PPA2: variants seen among roughly 807,000 people sequenced by gnomAD.
The protein encoded by PPA2 is inorganic pyrophosphatase 2.
A neutral mutation model predicts 49.5 loss-of-function variants in PPA2; 48 were observed. That is an observed-to-expected ratio of 0.97 (90% CI 0.77 to 1.23). The LOEUF is 1.23. Among genes scored for constraint, PPA2 ranks in the 50% most tolerant of loss-of-function variants. PPA2 has a pLI of 0.00. For synonymous variants in PPA2, 131 were observed against 139.9 expected (o/e 0.94, Z 0.45); for missense variants, 429 against 410.1 (o/e 1.05, Z -0.40).
At chr4:105,402,097 C>T (rs1560613753) in intron 7 of PPA2, among the ~76,000 whole-genome samples, 4 of 151,982 alleles carry the variant, frequency 2.6e-5, no homozygotes, top group Admixed American at 2.6e-4. Flanking sequence ...TAAAACATTG[C>T]TAAAATATCT....
intron 7 of PPA2, among the ~76,000 whole-genome samples, chr4:105,400,096 C>T (rs544058928): frequency 2.2e-4 from 33 of 152,144 alleles, no homozygotes; most frequent in African/African-American, 7.0e-4. Context: ...AGAATGGCCA[C>T]AAAGCACGAG....
intron 1 of PPA2, among the ~76,000 whole-genome samples, chr4:105,464,545 G>A (rs1055268265): frequency 6.6e-6 from 1 of 152,136 alleles, no homozygotes; most frequent in African/African-American, 2.4e-5. Flanking sequence ...GAGGGGCCAG[G>A]GGCAGAATGA....
At chr4:105,442,596 T>C (rs1170188348) in intron 5 of PPA2, among the ~76,000 whole-genome samples, 4 of 152,198 alleles carry the variant, frequency 2.6e-5, no homozygotes, top group Admixed American at 6.5e-5. Context: ...ACCCATTACA[T>C]GTGGGCAATA....
At chr4:105,464,869 A>C (rs1261563749) in intron 1 of PPA2, among the ~76,000 whole-genome samples, 1 of 152,210 alleles carries the variant, frequency 6.6e-6, no homozygotes, top group African/African-American at 2.4e-5. Context: ...AGCTGCATGA[A>C]AACAAACTAA....
In PPA2 at chr4:105,378,350, A is replaced by G. The variant is rs187947715; in HGVS notation, c.940-7477T>C. ...TCTTTATAGATTTGGTGATGTGCTCATTCATATATTTTGTACTTTTTAAAA... is the reference window on the plus strand; with the variant it reads ...TCTTTATAGATTTGGTGATGTGCTCGTTCATATATTTTGTACTTTTTAAAA... On this transcript the variant is annotated intron_variant, in intron 10 of 11. Coordinates refer to ENST00000341695, the MANE Select transcript of PPA2 (RefSeq NM_176869.3). Among the ~76,000 whole-genome samples the G allele has an allele frequency of 7.9e-5, 12 of 152,210 alleles. No individual in the cohort carries two copies. In the East Asian group the frequency reaches 1.2e-3, roughly 15 times the overall value.
chr4:105,401,290 C>A (rs765117517), intron 7 of PPA2, among the ~76,000 whole-genome samples: 1 of 152,166 alleles, frequency 6.6e-6, no homozygotes, highest in Non-Finnish European at 1.5e-5. Flanking sequence ...CCAACTCACT[C>A]ATGATAGAAC....
intron 1 of PPA2, among the ~76,000 whole-genome samples, chr4:105,461,180 C>T (rs4235414): frequency 0.89 from 135,412 of 152,138 alleles, 60,770 homozygotes; most frequent in African/African-American, 0.97. Context: ...AATGATGAGG[C>T]TCATAAATTT....
At chr4:105,423,711 CA>C (rs1222312463) in intron 7 of PPA2, among the ~76,000 whole-genome samples, 4 of 152,120 alleles carry the variant, frequency 2.6e-5, no homozygotes, top group African/African-American at 9.7e-5. Context: ...CGTTAGAGGG[CA>C]GTTACTTTTC....
In PPA2 at chr4:105,370,689, A is replaced by T. The variant is rs1008918632; in HGVS notation, c.976+148T>A. 8 of 1,151,736 alleles carry T rather than the reference A, an allele frequency of 6.9e-6. No homozygotes were observed. The African/African-American group carries it at 1.3e-4, about 19-fold the overall frequency. 71.3% of individuals were successfully genotyped at this position (1,151,736 alleles called of 1,614,324 possible). A position where few individuals can be genotyped will look rare whatever the true frequency, so the allele number is the denominator to read the frequency against. On this transcript the variant is annotated intron_variant, in intron 11 of 11. Transcript: ENST00000341695. ...TGAGTTAGAAAATATTTCATCTGAA[A>T]TTTTAGCGACTATTTTAAAAATATT...
At chr4:105,415,422 C>A (rs1345820707) in intron 7 of PPA2, among the ~76,000 whole-genome samples, 5 of 152,242 alleles carry the variant, frequency 3.3e-5, no homozygotes, top group Non-Finnish European at 7.3e-5. Flanking sequence ...TGTGTCAGTG[C>A]CACTATGAGT....
At chr4:105,451,135 T>G (rs146789588) in intron 3 of PPA2, among the ~76,000 whole-genome samples, 4 of 152,210 alleles carry the variant, frequency 2.6e-5, no homozygotes, top group Non-Finnish European at 5.9e-5. Flanking sequence ...TGAATTAAAT[T>G]GCTCTGGGTG....
intron 1 of PPA2, among the ~76,000 whole-genome samples, chr4:105,458,683 G>A (rs12108649): frequency 0.014 from 2,144 of 151,770 alleles, 49 homozygotes; most frequent in African/African-American, 0.05. Flanking sequence ...TTAGCTGGGC[G>A]TGGTGGTGCA....
intron 6 of PPA2, among the ~76,000 whole-genome samples, chr4:105,429,739 G>A (rs577887147): frequency 1.6e-4 from 25 of 152,264 alleles, no homozygotes; most frequent in Admixed American, 4.6e-4. Context: ...GATTCCTGCT[G>A]CTTGAGGGGA....
At chr4:105,466,819 C>A (rs541580044) in intron 1 of PPA2, among the ~76,000 whole-genome samples, 1 of 152,332 alleles carries the variant, frequency 6.6e-6, no homozygotes, top group South Asian at 2.1e-4. Flanking sequence ...AGCCTCCCAG[C>A]ACTTGGGAAA....
intron 10 of PPA2, among the ~76,000 whole-genome samples, chr4:105,372,242 G>C (rs773596120): frequency 2.6e-5 from 4 of 152,154 alleles, no homozygotes; most frequent in Non-Finnish European, 4.4e-5. Context: ...GTCTAGAATG[G>C]GGGCATGCCT....
chr4:105,454,343 T>G (rs1722795304), intron 2 of PPA2, among the ~76,000 whole-genome samples: 1 of 141,428 alleles, frequency 7.1e-6, no homozygotes, highest in Non-Finnish European at 1.6e-5. Context: ...TGTTGTTGTT[T>G]TTGAGACAGA....
At chr4:105,389,754 G>C (rs1344895548) in intron 9 of PPA2, among the ~76,000 whole-genome samples, 2 of 152,152 alleles carry the variant, frequency 1.3e-5, no homozygotes, top group African/African-American at 2.4e-5. Flanking sequence ...CTCAAAGACA[G>C]TGTTCAGGAT....
intron 9 of PPA2, among the ~76,000 whole-genome samples, chr4:105,391,876 T>C (rs1263915054): frequency 2.6e-5 from 4 of 151,754 alleles, no homozygotes; most frequent in Admixed American, 1.3e-4. Flanking sequence ...TGATTGTTAA[T>C]AAAAAAAGAG....
intron 5 of PPA2, among the ~76,000 whole-genome samples, chr4:105,438,617 T>A (rs1368990393): frequency 2.6e-5 from 4 of 152,192 alleles, no homozygotes; most frequent in African/African-American, 9.7e-5. Flanking sequence ...ATTCTTTAGT[T>A]TACTGGCAAG....
Sources: allele counts gnomAD v4.1 joint callset (sites outside exome capture counted in the v4.1 genomes callset), GRCh38; gene constraint gnomAD v4.1.1; transcripts MANE v1.5; gene names NCBI Gene and HGNC (gene_info 2026-07-23, HGNC 2026-07-21).